Variants in FAT1 observed in about 807,000 individuals in gnomAD.
The protein encoded by FAT1 is FAT atypical cadherin 1.
In FAT1, 171 loss-of-function variants were observed where a neutral mutation model predicts 329.8. The observed-to-expected ratio is 0.52, with a 90% CI of 0.46 to 0.59. FAT1 has a LOEUF of 0.59. FAT1 is among the 20% of genes least tolerant of loss of function. The pLI is 0.00. For missense variants in FAT1, 5,672 were observed against 5,774.4 expected (o/e 0.98, Z 0.57); for synonymous variants, 2,233 against 2,228.6 (o/e 1.00, Z -0.06).
chr4:186,618,386 G>C lies in FAT1; in HGVS notation c.8200C>G (p.Leu2734Val), dbSNP rs1180632132. The part of the protein sequence containing the change: ...LIRAEHSGTV[L>V]YSLVKGNTPE... ...GTATTCCCTTTGACCAGGCTGTAAA[G>C]AACAGTCCCACTATGTTCTGCTCGG... Residue 2734 changes from leucine (L) to valine (V), a missense_variant, in exon 10 of 27, where the codon CTT becomes GTT. By Grantham distance (32) the Leu-to-Val change is conservative. This residue lies in a region of FAT1 where 3,966 missense variants were observed against 3,915.2 expected (regional missense o/e 1.01). Coordinates refer to ENST00000441802, the MANE Select transcript of FAT1 (RefSeq NM_005245.4). 6.8e-6 allele frequency: 11 copies of C among 1,613,910 alleles called. No homozygotes were observed. The highest frequency in any genetic ancestry group is 3.3e-5 in the Admixed American group (2 of 60,010).
intron 2 of FAT1, among the ~76,000 whole-genome samples, chr4:186,670,508 A>G (rs961978087): frequency 2.0e-5 from 3 of 152,222 alleles, no homozygotes; most frequent in Admixed American, 2.0e-4. Context: ...GAGACATACC[A>G]TCAACACACT....
chr4:186,699,403 G>A (rs1255152423), intron 2 of FAT1, among the ~76,000 whole-genome samples: 6 of 152,184 alleles, frequency 3.9e-5, no homozygotes, highest in Non-Finnish European at 7.3e-5. Flanking sequence ...GCAATGGACC[G>A]AGTTCAACAT....
chr4:186,647,791 A>G (rs886408764), intron 3 of FAT1, among the ~76,000 whole-genome samples: 14 of 152,202 alleles, frequency 9.2e-5, no homozygotes, highest in African/African-American at 3.1e-4. Flanking sequence ...GGAAGTGTCT[A>G]GTTTAAGTTT....
At chr4:186,645,734 C>A (rs1291360563) in intron 3 of FAT1, among the ~76,000 whole-genome samples, 1 of 151,490 alleles carries the variant, frequency 6.6e-6, no homozygotes, top group Non-Finnish European at 1.5e-5. Flanking sequence ...TCACTTGAGG[C>A]TAGGAGTTCG....
intron 11 of FAT1, among the ~76,000 whole-genome samples, chr4:186,616,426 G>GC (rs1739714777): frequency 6.6e-6 from 1 of 151,236 alleles, no homozygotes; most frequent in African/African-American, 2.4e-5. Context: ...CCCACTTACT[G>GC]CCCCCCGAAG....
Position 186,709,718 on chromosome 4 carries a change from A to G in FAT1, c.110T>C (p.Leu37Pro), listed in dbSNP as rs2126706237. 1 of 1,613,922 alleles carries G rather than the reference A, an allele frequency of 6.2e-7. No homozygotes were observed. The highest frequency in any genetic ancestry group is 8.5e-7 in the Non-Finnish European group (1 of 1,179,848). ...LEQTPLQFTH[L>P]EYNVTVQENS... ...CTCCTGCACGGTGACGTTGTACTCG[A>G]GGTGTGTAAACTGCAGAGGAGTCTG... Residue 37 changes from leucine (L) to proline (P), a missense_variant, in exon 2 of 27, where the codon CTC becomes CCC. Leu to Pro is a moderately conservative substitution (Grantham distance 98). Coordinates refer to ENST00000441802, the MANE Select transcript of FAT1 (RefSeq NM_005245.4).
intron 6 of FAT1, among the ~76,000 whole-genome samples, chr4:186,634,494 A>G (rs1240044661): frequency 1.3e-5 from 2 of 152,192 alleles, no homozygotes; most frequent in African/African-American, 4.8e-5. Flanking sequence ...TACTAAATCT[A>G]ACCAAGAAAC....
At chr4:186,666,500 T>C (rs375391817) in intron 2 of FAT1, among the ~76,000 whole-genome samples, 67 of 152,226 alleles carry the variant, frequency 4.4e-4, no homozygotes, top group South Asian at 2.1e-4. Flanking sequence ...ACTCCTCCTG[T>C]GTGCTGCTAC....
rs965426299 is a variant in FAT1 at position 186,600,349 on chromosome 4, T to A, written c.11652A>T (p.Gly3884=). The A allele has an allele frequency of 1.2e-6, 2 of 1,611,152 alleles. No homozygotes were observed. The highest frequency in any genetic ancestry group is 1.7e-6 in the Non-Finnish European group (2 of 1,178,450). The change falls in exon 22 of 27, where the codon GGA becomes GGT. Residue 3884 remains glycine, a synonymous_variant. Transcript: ENST00000441802. The part of the protein sequence containing the change: ...TDYSILEIHH[G]RLQYKFDCGS... ...CACAGTCAAACTTGTACTGCAGCCT[T>A]CCATGATGAATCTAGGATAAAAGCA...
In FAT1 at chr4:186,619,227, G is replaced by A. The variant is rs187778747; in HGVS notation, c.7359C>T (p.His2453=). ...ATGIITLSNL[H]RHALKPFYSL... is the part of the protein sequence containing the mutation. Reference sequence around the variant, plus strand: ...TGTAAAATGGCTTCAGGGCGTGCCGGTGCAGGTTTGAGAGGGTGATAATCC... The same window carrying A: ...TGTAAAATGGCTTCAGGGCGTGCCGATGCAGGTTTGAGAGGGTGATAATCC... Residue 2453 remains histidine, a synonymous_variant, in exon 10 of 27, where the codon CAC becomes CAT. Transcript: ENST00000441802. 1,809 of 1,613,960 alleles carry A rather than the reference G, an allele frequency of 1.1e-3. 6 individuals are homozygous for A. The highest frequency in any genetic ancestry group is 2.3e-3 in the South Asian group (211 of 91,082).
In FAT1 at chr4:186,605,879, G is replaced by A. The variant is rs113251193; in HGVS notation, c.10350+191C>T. On this transcript the variant is annotated intron_variant, in intron 17 of 26. Coordinates refer to ENST00000441802, the MANE Select transcript of FAT1 (RefSeq NM_005245.4). The stretch of plus-strand genomic sequence containing the variant: ...GAGAATATCTCAAAAATCAAAGCAC[G>A]GAAAGGAAAGAGATAAAAGCTTGGC... Among the ~76,000 whole-genome samples the A allele has an allele frequency of 2.2e-3, 339 of 152,082 alleles. 1 individual carries two copies. The highest frequency in any genetic ancestry group is 3.9e-3 in the Non-Finnish European group (268 of 67,990).
intron 3 of FAT1, among the ~76,000 whole-genome samples, chr4:186,645,498 T>C (rs888712939): frequency 1.3e-5 from 2 of 148,910 alleles, no homozygotes; most frequent in Non-Finnish European, 3.0e-5. Context: ...TATGTGAAGA[T>C]ATCTCCATTT....
chr4:186,611,676 T>C lies in FAT1; in HGVS notation c.9563A>G (p.Asp3188Gly), dbSNP rs1560932901. The C allele has an allele frequency of 1.2e-6, 2 of 1,609,964 alleles. No homozygotes were observed. The highest frequency in any genetic ancestry group is 2.2e-5 in the East Asian group (1 of 44,838). ...GGTGTATACTGCCTGGAGTTCTCTGTCCAAAGGTTTTTCTAACTGAATAAT... is the reference window on the plus strand; with the variant it reads ...GGTGTATACTGCCTGGAGTTCTCTGCCCAAAGGTTTTTCTAACTGAATAAT... ...SGIIQLEKPL[D>G]RELQAVYTLS... Residue 3188 changes from aspartate to glycine, a missense_variant, in exon 14 of 27, where the codon GAC becomes GGC. Physicochemically the swap from Asp to Gly is moderately conservative, Grantham distance 94 (BLOSUM62 -1). Coordinates refer to ENST00000441802, the MANE Select transcript of FAT1 (RefSeq NM_005245.4).
At chr4:186,725,484 G>T (rs1200193692), upstream of FAT1, among the ~76,000 whole-genome samples, 3 of 151,788 alleles carry the variant, frequency 2.0e-5, no homozygotes, top group Non-Finnish European at 4.4e-5. This position sits in a 1 kb window ranked among gnomAD's most constrained non-coding sequence, Gnocchi z 5.4. Flanking sequence ...GGGCTTACTA[G>T]ATGTTTTACA....
chr4:186,676,436 T>C (rs1321973369), intron 2 of FAT1, among the ~76,000 whole-genome samples: 1 of 152,206 alleles, frequency 6.6e-6, no homozygotes, highest in Non-Finnish European at 1.5e-5. Flanking sequence ...AACCAACGTG[T>C]ATAAAGGGTT....
At chr4:186,631,665 G>A (rs1261511078) in intron 7 of FAT1, among the ~76,000 whole-genome samples, 1 of 116,520 alleles carries the variant, frequency 8.6e-6, no homozygotes, top group Non-Finnish European at 1.8e-5. Context: ...CTAGTCTCTC[G>A]CCGCCCAGCT....
At position 186,636,888 on chromosome 4, in the gene FAT1, G is replaced by A. The variant is rs776058424; in HGVS notation, c.3669C>T (p.Pro1223=). ...LEVTVTDNGS[P]PKSTIARVIV... is the part of the protein sequence containing the mutation. ...TGACTCTTGCAATGGTTGATTTGGG[G>A]GGACTACCATTGTCTGTCACAGTAA... The change falls in exon 5 of 27, where the codon CCC becomes CCT. Residue 1223 remains proline (P), a synonymous_variant. Transcript: ENST00000441802. 1.4e-5 allele frequency: 23 copies of A among 1,612,394 alleles called. No individual in the cohort carries two copies. In the East Asian group the frequency reaches 4.7e-4, roughly 33 times the overall value.
chr4:186,723,418 G>A (rs1171284912), intron 1 of FAT1, among the ~76,000 whole-genome samples: 1 of 152,212 alleles, frequency 6.6e-6, no homozygotes, highest in Non-Finnish European at 1.5e-5. Flanking sequence ...CCCCAGCAAT[G>A]GCCCCGGATC....
intron 11 of FAT1, among the ~76,000 whole-genome samples, chr4:186,614,962 A>G (rs1291348612): frequency 2.7e-5 from 3 of 109,830 alleles, no homozygotes; most frequent in African/African-American, 1.7e-4. Context: ...TCCAGTTCCA[A>G]TTATTTAGAA....
Sources: gnomAD v4.1 joint callset for allele counts (sites outside exome capture counted in the v4.1 genomes callset) on GRCh38, gnomAD v4.1.1 for gene constraint, gnomAD v4.1.1 regional missense constraint, Gnocchi (gnomAD v3.1) non-coding constraint, MANE v1.5 for transcripts, NCBI Gene and HGNC (gene_info 2026-07-23, HGNC 2026-07-21) for gene names.